The following ADGRA3 variants were observed in gnomAD, a reference collection of about 807,000 sequenced individuals.
The protein encoded by ADGRA3 is G-protein coupled receptor 125.
ADGRA3 carries 56 observed loss-of-function variants against 119.8 expected under a neutral mutation model. The ratio of observed to expected loss-of-function variants is 0.47; its 90% CI spans 0.38 to 0.58. The LOEUF (loss-of-function observed/expected upper bound fraction) is 0.58. Ranked by LOEUF, ADGRA3 falls within the 20% of genes least tolerant of loss-of-function variation. The pLI is 0.00. For missense variants in ADGRA3, 1,516 were observed against 1,649.0 expected, an observed-to-expected ratio of 0.92 and a Z score of 1.40; for synonymous variants, 607 against 623.8, an observed-to-expected ratio of 0.97 and a Z score of 0.40.
intron 10 of ADGRA3, among the ~76,000 whole-genome samples, chr4:22,431,553 G>C (rs1048900680): frequency 3.3e-5 from 5 of 152,118 alleles, no homozygotes; most frequent in Non-Finnish European, 7.3e-5. Context: ...GTTTTATAAG[G>C]GGTTTTATAA....
chr4:22,433,452 C>T (rs1418114325), intron 10 of ADGRA3, among the ~76,000 whole-genome samples: 1 of 152,110 alleles, frequency 6.6e-6, no homozygotes, highest in Non-Finnish European at 1.5e-5. Flanking sequence ...AAATAGCATC[C>T]CCATTTGAAA....
chr4:22,401,927 A>G (rs555981800), intron 15 of ADGRA3, among the ~76,000 whole-genome samples: 1 of 152,252 alleles, frequency 6.6e-6, no homozygotes, highest in African/African-American at 2.4e-5. Context: ...CAAGATGCCA[A>G]TGGGTCTTTT....
At chr4:22,411,069 TAAATAA>T (rs200553845) in intron 14 of ADGRA3, among the ~76,000 whole-genome samples, 2,336 of 152,342 alleles carry the variant, frequency 0.015, 55 homozygotes, top group African/African-American at 0.054. Flanking sequence ...GGTATTAGAC[TAAATAA>T]AAATAAAAGT....
intron 1 of ADGRA3, among the ~76,000 whole-genome samples, chr4:22,501,756 C>CA (rs1404766141): frequency 3.1e-5 from 4 of 130,032 alleles, no homozygotes; most frequent in Non-Finnish European, 6.7e-5. Flanking sequence ...TTTATAATCA[C>CA]AAAAAAATGG....
Position 22,485,458 on chromosome 4 carries a change from G to C in ADGRA3, c.258-11615C>G, listed in dbSNP as rs571190654. Among the ~76,000 whole-genome samples, 12 of 151,560 alleles carry C rather than the reference G, an allele frequency of 7.9e-5. No homozygotes were observed. The South Asian group carries it at 2.1e-3, about 26-fold the overall frequency. On this transcript the variant is annotated intron_variant, in intron 1 of 18. Coordinates refer to ENST00000334304, the MANE Select transcript of ADGRA3 (RefSeq NM_145290.4). Reference sequence around the variant, plus strand: ...TGCTTTTTTTTTTCTTTAATCAGTTGCTCTGCTCTTGGATCTGAGACTATG... The same window carrying C: ...TGCTTTTTTTTTTCTTTAATCAGTTCCTCTGCTCTTGGATCTGAGACTATG...
At chr4:22,440,602 T>C (rs1344953248) in intron 7 of ADGRA3, among the ~76,000 whole-genome samples, 2 of 152,192 alleles carry the variant, frequency 1.3e-5, no homozygotes, top group African/African-American at 4.8e-5. Flanking sequence ...TTTTTTTGCA[T>C]TGCTAAACAT....
At chr4:22,435,000 T>C (rs1031042377) in intron 10 of ADGRA3, among the ~76,000 whole-genome samples, 2 of 152,216 alleles carry the variant, frequency 1.3e-5, no homozygotes, top group African/African-American at 4.8e-5. Context: ...TCCAGCAGGC[T>C]GAGCTAAGCA....
intron 4 of ADGRA3, among the ~76,000 whole-genome samples, chr4:22,454,318 T>C (rs1416594443): frequency 1.3e-5 from 2 of 152,208 alleles, no homozygotes; most frequent in Non-Finnish European, 2.9e-5. Flanking sequence ...AATCCTACTT[T>C]GTAGACGAAA....
intron 4 of ADGRA3, among the ~76,000 whole-genome samples, chr4:22,449,551 G>T (rs2109083831): frequency 6.6e-6 from 1 of 152,104 alleles, no homozygotes; most frequent in South Asian, 2.1e-4. Flanking sequence ...ACAAATGTAG[G>T]ACTTCAAAGA....
At chr4:22,456,248 C>A (rs886614106) in intron 3 of ADGRA3, among the ~76,000 whole-genome samples, 1 of 152,096 alleles carries the variant, frequency 6.6e-6, no homozygotes, top group South Asian at 2.1e-4. Flanking sequence ...GTCAACTTCG[C>A]TGGATTGAGA....
intron 1 of ADGRA3, among the ~76,000 whole-genome samples, chr4:22,505,132 CA>C (rs1264040643): frequency 1.3e-5 from 2 of 152,052 alleles, no homozygotes; most frequent in African/African-American, 4.8e-5. Context: ...TGTGTCATGG[CA>C]TGAAAAATCT....
At chr4:22,490,861 C>T (rs1718596746) in intron 1 of ADGRA3, among the ~76,000 whole-genome samples, 1 of 152,182 alleles carries the variant, frequency 6.6e-6, no homozygotes, top group African/African-American at 2.4e-5. Context: ...CATAAATCCA[C>T]ACCTGTTTAT....
At chr4:22,466,796 A>C (rs1717676064) in intron 2 of ADGRA3, among the ~76,000 whole-genome samples, 1 of 152,072 alleles carries the variant, frequency 6.6e-6, no homozygotes, top group South Asian at 2.1e-4. Context: ...CACCTCAGTT[A>C]CTTCAACTGT....
At chr4:22,480,904 G>A (rs1463274608) in intron 1 of ADGRA3, among the ~76,000 whole-genome samples, 2 of 151,946 alleles carry the variant, frequency 1.3e-5, no homozygotes, top group African/African-American at 2.4e-5. Flanking sequence ...ACTCTTTGAG[G>A]CCCTAGTATG....
chr4:22,387,733 C>T lies in ADGRA3; in HGVS notation c.3938G>A (p.Gly1313Glu), dbSNP rs1691953192. Residue 1313 changes from glycine (G) to glutamate (E), a missense_variant, in exon 19 of 19, where the codon GGA (glycine) becomes GAA (glutamate). Gly to Glu is a moderately conservative substitution (Grantham distance 98). This residue lies in a region of ADGRA3 where 1,088 missense variants were observed against 1,107.1 expected (regional missense o/e 0.98). Coordinates refer to ENST00000334304, the MANE Select transcript of ADGRA3 (RefSeq NM_145290.4). Reference protein sequence around the residue: ...GTDSTGNVRTGLWKHETTV With the variant: ...GTDSTGNVRTELWKHETTV ...CACAGTAGTTTCGTGTTTCCATAAT[C>T]CAGTCCTAACATTGCCAGTGCTATC... 6.2e-7 allele frequency: 1 copy of T among 1,611,526 alleles called. No homozygotes were observed. The highest frequency in any genetic ancestry group is 8.5e-7 in the Non-Finnish European group (1 of 1,178,346).
intron 3 of ADGRA3, among the ~76,000 whole-genome samples, chr4:22,456,010 T>C (rs1348678261): frequency 2.0e-5 from 3 of 152,190 alleles, no homozygotes; most frequent in Non-Finnish European, 4.4e-5. Flanking sequence ...CCAATGTCCC[T>C]ATTATTCTCT....
At chr4:22,460,425 A>G (rs756678742) in intron 3 of ADGRA3, among the ~76,000 whole-genome samples, 17 of 152,198 alleles carry the variant, frequency 1.1e-4, no homozygotes, top group Non-Finnish European at 2.1e-4. Context: ...CTCCACCAGA[A>G]AGGACAAAAG....
chr4:22,436,343 T>G (rs1716390737), intron 9 of ADGRA3, 97 bp downstream of exon 9: 7 of 849,650 alleles, frequency 8.2e-6, no homozygotes, highest in African/African-American at 6.9e-5. Context: ...ATCCTTATGT[T>G]TTGCCTAGTA....
intron 3 of ADGRA3, among the ~76,000 whole-genome samples, chr4:22,455,585 A>T (rs545577897): frequency 1.3e-5 from 2 of 152,252 alleles, no homozygotes; most frequent in African/African-American, 4.8e-5. Context: ...TTCCTATTAA[A>T]TATTACCTTC....
Sources: gnomAD v4.1 joint callset for allele counts (sites outside exome capture counted in the v4.1 genomes callset) on GRCh38, gnomAD v4.1.1 for gene constraint, gnomAD v4.1.1 regional missense constraint, MANE v1.5 for transcripts, NCBI Gene and HGNC (gene_info 2026-07-23, HGNC 2026-07-21) for gene names.